TNKS1BP1: variants seen among roughly 807,000 people sequenced by gnomAD.
TNKS1BP1 encodes 182 kDa tankyrase-1-binding protein.
Under a neutral mutation model 141.1 loss-of-function variants are expected in TNKS1BP1, and 48 were observed. That is an observed-to-expected ratio of 0.34 (90% CI 0.27 to 0.43). The LOEUF is 0.43. Ranked by LOEUF, TNKS1BP1 falls within the 20% of genes least tolerant of loss-of-function variation. The probability of loss-of-function intolerance (pLI) is 1.00; values close to 1 mark genes in which losing one functional copy is unlikely to be tolerated. For synonymous variants in TNKS1BP1, 875 were observed against 898.2 expected (o/e 0.97, Z 0.46); for missense variants, 2,149 against 2,226.0 (o/e 0.97, Z 0.70).
intron 4 of TNKS1BP1, among the ~76,000 whole-genome samples, chr11:57,317,123 G>A (rs558269006): frequency 3.7e-4 from 57 of 152,214 alleles, no homozygotes; most frequent in African/African-American, 1.1e-3. Flanking sequence ...GACCACACTC[G>A]TCCCTGCACT....
chr11:57,300,571 T>C lies in TNKS1BP1; in HGVS notation c.5159A>G (p.Gln1720Arg). Reference protein sequence around the residue: ...GSEGSSPNWLQALKLKKKKV With the variant: ...GSEGSSPNWLRALKLKKKKV ...CTTCTTCTTCTTCAGTTTCAGGGCT[T>C]GAAGCCAGTTGGGCGACGATCCTTC... Residue 1720 changes from glutamine (Q) to arginine (R), a missense_variant, in exon 11 of 12, where the codon CAA becomes CGA. Physicochemically the swap from Gln to Arg is conservative, Grantham distance 43 (BLOSUM62 1). Transcript: ENST00000358252. The C allele has an allele frequency of 6.2e-7, 1 of 1,614,226 alleles. No homozygotes were observed.
chr11:57,324,856 C>A lies in TNKS1BP1; in HGVS notation c.-82G>T. 2.0e-6 allele frequency: 2 copies of A among 987,544 alleles called. No homozygotes were observed. Among genetic ancestry groups the A allele is most frequent in the Non-Finnish European group, 2.4e-6 (2 of 831,600 alleles). 61.2% of individuals were successfully genotyped at this position (987,544 alleles called of 1,614,324 possible). ...CGCACTCACGCGCTCGCCCGGGGTCCGGCTCCGCTCGGCTCGGGGCCCCGA... is the reference window on the plus strand; with the variant it reads ...CGCACTCACGCGCTCGCCCGGGGTCAGGCTCCGCTCGGCTCGGGGCCCCGA... On this transcript the variant is annotated 5_prime_UTR_variant, in exon 1 of 12. Coordinates refer to ENST00000358252, the MANE Select transcript of TNKS1BP1 (RefSeq NM_033396.3).
intron 5 of TNKS1BP1, among the ~76,000 whole-genome samples, chr11:57,310,879 G>C (rs992357248): frequency 6.6e-6 from 1 of 152,200 alleles, no homozygotes; most frequent in East Asian, 1.9e-4. Context: ...GCAATACTTG[G>C]CTAACAGCCA....
chr11:57,306,906 G>GC (rs1212066925), intron 6 of TNKS1BP1, among the ~76,000 whole-genome samples: 4 of 150,630 alleles, frequency 2.7e-5, no homozygotes, highest in East Asian at 3.9e-4. Context: ...GTGGTGGTGG[G>GC]GGGGGGGGTT....
intron 1 of TNKS1BP1, 123 bp downstream of exon 1, chr11:57,324,717 C>A (rs982204135): frequency 9.2e-4 from 860 of 933,738 alleles, no homozygotes; most frequent in Non-Finnish European, 1.1e-3. Flanking sequence ...TCCTGGTGAC[C>A]CCCCGACCAC....
chr11:57,320,022 A>ACCCC, intron 3 of TNKS1BP1, 57 bp downstream of exon 3: 6 of 1,118,674 alleles, frequency 5.4e-6, no homozygotes, highest in Non-Finnish European at 7.7e-6. Context: ...CCCCCACCCA[A>ACCCC]TCCCACCCCA....
chr11:57,317,329 T>G (rs1012316448), intron 4 of TNKS1BP1, among the ~76,000 whole-genome samples: 4 of 152,110 alleles, frequency 2.6e-5, no homozygotes, highest in East Asian at 1.9e-4. Context: ...GATGGGAAAA[T>G]CTCAGCAAAA....
Position 57,313,600 on chromosome 11 carries a change from T to C in TNKS1BP1, c.1088A>G (p.Glu363Gly). The C allele has an allele frequency of 6.3e-7, 1 of 1,596,184 alleles. No homozygotes were observed. Among genetic ancestry groups the C allele is most frequent in the South Asian group, 1.1e-5 (1 of 88,476 alleles). ...SPGLPAEGAPEAPRPSSPPPE... is the reference protein window; with the variant it reads ...SPGLPAEGAPGAPRPSSPPPE... The stretch of plus-strand genomic sequence containing the variant: ...GGGTGGGCTGCTGGGTCTGGGGGCC[T>C]CTGGAGCCCCCTCGGCAGGGAGCCC... Residue 363 changes from glutamate to glycine, a missense_variant, in exon 5 of 12, where the codon GAG becomes GGG. Transcript: ENST00000358252.
rs74776870 is a variant in TNKS1BP1 at position 57,300,988 on chromosome 11, G to A, written c.5025C>T (p.Ser1675=). 2.4e-3 allele frequency: 3,884 copies of A among 1,613,970 alleles called. 66 individuals carry two copies. In the African/African-American group the frequency reaches 0.044, roughly 18 times the overall value. Residue 1675 remains serine (S), a synonymous_variant, in exon 10 of 12, where the codon AGC becomes AGT. Transcript: ENST00000358252. ...RSAEEGELAE[S]KSSQKESAVQ... The stretch of plus-strand genomic sequence containing the variant: ...CCGCGGACTCCTTCTGGCTCGACTT[G>A]CTCTCAGCCAGCTCTCCCTCCTCAG...
chr11:57,311,458 AC>A (rs1855710232), intron 5 of TNKS1BP1: 2 of 985,582 alleles, frequency 2.0e-6, no homozygotes, highest in African/African-American at 3.5e-5. Flanking sequence ...GACCTGTCCG[AC>A]GGCTCTGGCG....
At position 57,302,078 on chromosome 11, in the gene TNKS1BP1, A is replaced by G; in HGVS notation, c.4830T>C (p.Ser1610=). 1.2e-6 allele frequency: 2 copies of G among 1,612,780 alleles called. No homozygotes were observed. Among genetic ancestry groups the G allele is most frequent in the Non-Finnish European group, 1.7e-6 (2 of 1,178,880 alleles). The change falls in exon 8 of 12, where the codon TCT becomes TCC. Residue 1610 remains serine, a synonymous_variant. Transcript: ENST00000358252. The surrounding 1 kb of genome is among the most constrained non-coding windows in gnomAD (Gnocchi z 5.5). The part of the protein sequence containing the change: ...ADSDAHLFQD[S]TEPRASRVPS... ...CAAATAATACATCAGCCCTACCTGT[A>G]GAGTCCTGGAACAGGTGTGCATCCG... is the stretch of plus-strand genomic sequence containing the variant.
rs933630223 is a variant in TNKS1BP1, at chr11:57,311,169, CT to C, written c.2155-614del. 3.3e-5 allele frequency: 31 copies of C among 938,858 alleles called. No homozygotes were observed. The Admixed American group carries it at 3.7e-4, about 11-fold the overall frequency. 58.2% of individuals were successfully genotyped at this position (938,858 alleles called of 1,614,324 possible). On this transcript the variant is annotated intron_variant, in intron 5 of 11. Transcript: ENST00000358252. ...CCAGGAAAGACAAGAGGGGCAGCCTCTGGCACAGGGGAAAATCCCAGCCAGG... is the reference window on the plus strand; with the variant it reads ...CCAGGAAAGACAAGAGGGGCAGCCTCGGCACAGGGGAAAATCCCAGCCAGG...
At chr11:57,315,290 C>T (rs1278798006) in intron 4 of TNKS1BP1, among the ~76,000 whole-genome samples, 1 of 151,874 alleles carries the variant, frequency 6.6e-6, no homozygotes, top group Admixed American at 6.6e-5. Flanking sequence ...ATTTTCAGCC[C>T]CTCTCATAGC....
chr11:57,317,962 C>A, intron 3 of TNKS1BP1, 75 bp from the exon 4 acceptor site: 1 of 1,435,820 alleles, frequency 7.0e-7, no homozygotes, highest in Non-Finnish European at 9.8e-7. Context: ...GTGGGAGAGT[C>A]TCCCAGTGCA....
chr11:57,322,214 G>A (rs919476347), intron 1 of TNKS1BP1: 2 of 1,121,780 alleles, frequency 1.8e-6, no homozygotes, highest in Non-Finnish European at 2.2e-6. Flanking sequence ...CCTCTGACAA[G>A]CTCTCCAAGA....
intron 4 of TNKS1BP1, among the ~76,000 whole-genome samples, chr11:57,315,127 C>T (rs962501561): frequency 3.3e-5 from 5 of 152,092 alleles, no homozygotes; most frequent in Admixed American, 1.3e-4. Context: ...CCTCCTCTTC[C>T]TCAGTGACTG....
In TNKS1BP1 at chr11:57,313,395, A is replaced by G; in HGVS notation, c.1293T>C (p.Gly431=). The G allele has an allele frequency of 6.2e-7, 1 of 1,612,194 alleles. No individual in the cohort carries two copies. Among genetic ancestry groups the G allele is most frequent in the Non-Finnish European group, 8.5e-7 (1 of 1,179,334 alleles). ...GGTCCTGACTGGGTGACTGGAGCAC[A>G]CCTTCAGAGAATCGGCGCTGAACCA... ...TSLVQRRFSE[G]VLQSPSQDQE... Residue 431 remains glycine, a synonymous_variant, in exon 5 of 12, where the codon GGT becomes GGC. Coordinates refer to ENST00000358252, the MANE Select transcript of TNKS1BP1 (RefSeq NM_033396.3).
intron 9 of TNKS1BP1, 112 bp from the exon 10 acceptor site, chr11:57,301,153 C>T: frequency 1.7e-6 from 2 of 1,155,704 alleles, no homozygotes. Context: ...GCAGAGACCC[C>T]TCTGCAGTCC....
At chr11:57,303,945 G>A (rs987555479) in intron 6 of TNKS1BP1, among the ~76,000 whole-genome samples, 1 of 151,974 alleles carries the variant, frequency 6.6e-6, no homozygotes, top group Non-Finnish European at 1.5e-5. Flanking sequence ...CATACTGCCC[G>A]CCCTGTCCAG....
Sources: allele counts gnomAD v4.1 joint callset (sites outside exome capture counted in the v4.1 genomes callset), GRCh38; gene constraint gnomAD v4.1.1; non-coding constraint Gnocchi (gnomAD v3.1); transcripts MANE v1.5; gene names NCBI Gene and HGNC (gene_info 2026-07-23, HGNC 2026-07-21).